Variants in CLVS1 observed in about 807,000 individuals in gnomAD.
CLVS1 encodes the protein clavesin-1.
In CLVS1, 10 loss-of-function variants were observed where a neutral mutation model predicts 33.1. That is an observed-to-expected ratio of 0.30 (90% CI 0.19 to 0.51). CLVS1 has a LOEUF of 0.51. CLVS1 is among the 20% of genes least tolerant of loss of function. The probability of loss-of-function intolerance (pLI) is 0.97; values close to 1 mark genes in which losing one functional copy is unlikely to be tolerated. For synonymous variants in CLVS1, 163 were observed against 166.1 expected, an observed-to-expected ratio of 0.98 and a Z score of 0.14; for missense variants, 343 against 433.4, an observed-to-expected ratio of 0.79 and a Z score of 1.85.
At chr8:61,251,142 C>T (rs1230085194) in intron 2 of CLVS1, among the ~76,000 whole-genome samples, 1 of 152,132 alleles carries the variant, frequency 6.6e-6, no homozygotes, top group Non-Finnish European at 1.5e-5. Flanking sequence ...TAAATTTTGT[C>T]TAAGGCCTTT....
chr8:61,098,460 C>A (rs1272525564), intron 1 of CLVS1, among the ~76,000 whole-genome samples: 1 of 151,004 alleles, frequency 6.6e-6, no homozygotes, highest in Non-Finnish European at 1.5e-5. Flanking sequence ...TATCTGAGTT[C>A]TGATTGTTGT....
chr8:61,262,515 A>G (rs930678634), intron 2 of CLVS1, among the ~76,000 whole-genome samples: 5 of 152,174 alleles, frequency 3.3e-5, no homozygotes, highest in Admixed American at 6.5e-5. Flanking sequence ...AAAAAAAAGT[A>G]GAGTCTCCAG....
chr8:60,991,936 C>T, the CLVS1 span, among the ~76,000 whole-genome samples: 51 of 152,016 alleles, frequency 3.4e-4, no homozygotes, highest in African/African-American at 1.1e-3. Flanking sequence ...TAAGTAGAGA[C>T]GGGGTTTCAC....
At chr8:61,286,760 C>A (rs1451261672), upstream of CLVS1, among the ~76,000 whole-genome samples, 6 of 152,154 alleles carry the variant, frequency 3.9e-5, no homozygotes, top group Admixed American at 3.3e-4. Flanking sequence ...AGTTTTCTAA[C>A]CTTTTAGTAA....
At chr8:61,179,799 A>G (rs969278244) in intron 2 of CLVS1, among the ~76,000 whole-genome samples, 7 of 152,244 alleles carry the variant, frequency 4.6e-5, no homozygotes, top group East Asian at 1.9e-4. Flanking sequence ...ACCAATGAGA[A>G]CAAAGAGGCA....
intron 3 of CLVS1, among the ~76,000 whole-genome samples, chr8:61,418,041 C>A (rs1407412536): frequency 6.6e-6 from 1 of 152,196 alleles, no homozygotes; most frequent in Non-Finnish European, 1.5e-5. Flanking sequence ...CTGCCAGGGG[C>A]AGAAATCTTG....
At chr8:61,457,907 G>A (rs6990529) in intron 4 of CLVS1, among the ~76,000 whole-genome samples, 1 of 152,178 alleles carries the variant, frequency 6.6e-6, no homozygotes, top group Admixed American at 6.5e-5. Context: ...CCAGGGAAGG[G>A]GGGAAGGATC....
At chr8:61,138,679 C>T (rs1017422410) in intron 2 of CLVS1, among the ~76,000 whole-genome samples, 2 of 151,926 alleles carry the variant, frequency 1.3e-5, no homozygotes, top group South Asian at 2.1e-4. Context: ...CCAGCGCTGG[C>T]AGTGGTCTGA....
In CLVS1 at chr8:61,499,631, CGT is replaced by C. The variant is rs1563583599; in HGVS notation, c.*94_*95del. ...CATGCACAACTGACCCATGCAGACA[CGT>C]GTGTTCTGCTTGACACAAGGTCCTC... is the stretch of plus-strand genomic sequence containing the variant. On this transcript the variant is annotated 3_prime_UTR_variant, in exon 6 of 6. Coordinates refer to ENST00000325897, the MANE Select transcript of CLVS1 (RefSeq NM_173519.3). 1.1e-6 allele frequency: 1 copy of C among 885,650 alleles called. No individual in the cohort carries two copies. Among genetic ancestry groups the C allele is most frequent in the East Asian group, 2.5e-5 (1 of 39,406 alleles). 54.9% of individuals were successfully genotyped at this position (885,650 alleles called of 1,614,324 possible). A position where few individuals can be genotyped will look rare whatever the true frequency, so the allele number is the denominator to read the frequency against.
At chr8:61,454,045 G>A (rs1298064703) in intron 3 of CLVS1, 96 bp from the exon 4 acceptor site, 1 of 830,884 alleles carries the variant, frequency 1.2e-6, no homozygotes. Flanking sequence ...CTACCAGGCA[G>A]GAAAAACAGG....
the CLVS1 span, among the ~76,000 whole-genome samples, chr8:60,990,679 T>TTCA: frequency 6.6e-6 from 1 of 152,064 alleles, no homozygotes; most frequent in Non-Finnish European, 1.5e-5. Context: ...AAGATGCTTA[T>TTCA]TCATCACCTA....
chr8:61,070,003 C>T (rs915464856), intron 1 of CLVS1, among the ~76,000 whole-genome samples: 34 of 151,986 alleles, frequency 2.2e-4, no homozygotes, highest in Admixed American at 4.6e-4. Flanking sequence ...ATGTTGGCCA[C>T]GTTGGTCTCA....
intron 1 of CLVS1, among the ~76,000 whole-genome samples, chr8:61,297,812 G>A (rs1416180251): frequency 6.6e-6 from 1 of 152,122 alleles, no homozygotes; most frequent in Admixed American, 6.5e-5. Flanking sequence ...TGGAGTTACA[G>A]AAAAGAATGG....
chr8:61,266,102 T>C (rs1472107503), intron 2 of CLVS1, among the ~76,000 whole-genome samples: 1 of 152,180 alleles, frequency 6.6e-6, no homozygotes, highest in African/African-American at 2.4e-5. Context: ...CCTGACAATG[T>C]TAAAATTTAC....
chr8:61,142,850 A>G (rs1366358501), intron 2 of CLVS1, among the ~76,000 whole-genome samples: 1 of 152,234 alleles, frequency 6.6e-6, no homozygotes, highest in Non-Finnish European at 1.5e-5. Flanking sequence ...AAGTGAACCC[A>G]GCTTTCAAAC....
At chr8:61,297,908 C>T (rs1261253362) in intron 1 of CLVS1, among the ~76,000 whole-genome samples, 1 of 152,144 alleles carries the variant, frequency 6.6e-6, no homozygotes, top group Non-Finnish European at 1.5e-5. Flanking sequence ...GCTCACAGCA[C>T]AGTAGATGCT....
At chr8:61,416,317 C>G (rs1329685680) in intron 3 of CLVS1, among the ~76,000 whole-genome samples, 2 of 148,624 alleles carry the variant, frequency 1.3e-5, no homozygotes, top group African/African-American at 5.2e-5. Flanking sequence ...TACATACATA[C>G]ATACATACAT....
At chr8:61,466,916 T>C (rs555302578) in intron 5 of CLVS1, among the ~76,000 whole-genome samples, 1 of 152,206 alleles carries the variant, frequency 6.6e-6, no homozygotes, top group Non-Finnish European at 1.5e-5. Flanking sequence ...CCTAAAGTGC[T>C]GGGATTATAG....
the CLVS1 span, among the ~76,000 whole-genome samples, chr8:60,986,188 T>A: frequency 6.6e-6 from 1 of 152,228 alleles, no homozygotes; most frequent in African/African-American, 2.4e-5. Flanking sequence ...GGCAGGCCAG[T>A]GTGCAGATAG....
Sources: gnomAD v4.1 joint callset for allele counts (sites outside exome capture counted in the v4.1 genomes callset) on GRCh38, gnomAD v4.1.1 for gene constraint, MANE v1.5 for transcripts, NCBI Gene and HGNC (gene_info 2026-07-23, HGNC 2026-07-21) for gene names.